Variants in CLCNKB observed in about 807,000 individuals in gnomAD.
CLCNKB encodes the protein chloride channel protein ClC-Kb.
In CLCNKB, 74 loss-of-function variants were observed where a neutral mutation model predicts 83.8. The ratio of observed to expected loss-of-function variants is 0.88; its 90% CI spans 0.73 to 1.07. The LOEUF (loss-of-function observed/expected upper bound fraction) is 1.07, where lower values mean the gene tolerates loss of function less well. Ranked by LOEUF, CLCNKB falls within the 50% of genes least tolerant of loss-of-function variation. The pLI is 0.00. For synonymous variants in CLCNKB, 358 were observed against 356.6 expected (o/e 1.00, Z -0.04); for missense variants, 798 against 893.6 (o/e 0.89, Z 1.36).
Position 16,051,015 on chromosome 1 carries a change from CT to C in CLCNKB, c.1197del (p.Phe399LeufsTer10). The C allele has an allele frequency of 6.2e-7, 1 of 1,614,106 alleles. No individual in the cohort carries two copies. Among genetic ancestry groups the C allele is most frequent in the Non-Finnish European group, 8.5e-7 (1 of 1,180,020 alleles). On this transcript the variant is annotated frameshift_variant, in exon 12 of 20. Transcript: ENST00000375679. LOFTEE classifies it high-confidence loss of function. Reference sequence around the variant, plus strand: ...AATGGTACCACCCGCGGTTCACCATCTTTGGGACCCTTGCCTTCTTCCTGGT... The same window carrying C: ...AATGGTACCACCCGCGGTTCACCATCTTGGGACCCTTGCCTTCTTCCTGGT... Reference protein sequence around the residue: ...WEWYHPRFTIFGTLAFFLVMK... With the variant: ...WEWYHPRFTIXGTLAFFLVMK...
At chr1:16,045,789 G>A (rs1393003717) in intron 3 of CLCNKB, 103 bp downstream of exon 3, 14 of 589,662 alleles carry the variant, frequency 2.4e-5, no homozygotes, top group Middle Eastern at 3.6e-4. Context: ...TGGGGGGGGT[G>A]CTCTGGGTGG....
intron 19 of CLCNKB, 68 bp downstream of exon 19, chr1:16,056,576 G>T: frequency 1.7e-6 from 2 of 1,144,504 alleles, no homozygotes; most frequent in Non-Finnish European, 2.6e-6. Context: ...AGGTGGGGAG[G>T]TGGGGTGGGG....
intron 16 of CLCNKB, 149 bp from the exon 17 acceptor site, chr1:16,055,286 A>T: frequency 1.3e-6 from 1 of 744,924 alleles, no homozygotes; most frequent in Non-Finnish European, 2.4e-6. Context: ...CCTCTGAGCC[A>T]AAGTTTCCTG....
chr1:16,056,699 C>T (rs1557474532), intron 19 of CLCNKB, among the ~76,000 whole-genome samples, 170 bp from the exon 20 acceptor site: 2 of 152,070 alleles, frequency 1.3e-5, no homozygotes, highest in African/African-American at 2.4e-5. Context: ...TGTTTTCTGG[C>T]CAGTGGCCAG....
rs1423401337 is a variant in CLCNKB, at chr1:16,049,296, G to A, written c.781+51G>A. 5.0e-6 allele frequency: 8 copies of A among 1,607,754 alleles called. No individual in the cohort carries two copies. In the South Asian group the frequency reaches 6.6e-5, roughly 13 times the overall value. Reference sequence around the variant, plus strand: ...TGGCCCTGCCTGGGGGCCGGGGCGAGGGGGCCCTCCCTTCTCCCCTGTGTA... The same window carrying A: ...TGGCCCTGCCTGGGGGCCGGGGCGAAGGGGCCCTCCCTTCTCCCCTGTGTA... On this transcript the variant is annotated intron_variant, in intron 8 of 19. Coordinates refer to ENST00000375679, the MANE Select transcript of CLCNKB (RefSeq NM_000085.5).
At chr1:16,046,045 C>T (rs1000239043) in intron 3 of CLCNKB, among the ~76,000 whole-genome samples, 1 of 152,216 alleles carries the variant, frequency 6.6e-6, no homozygotes, top group African/African-American at 2.4e-5. Context: ...CCTCCCCATC[C>T]CACCCCATCC....
rs1394741065 is a variant in CLCNKB, at chr1:16,046,678, G to T, written c.358+15G>T. On this transcript the variant is annotated intron_variant, in intron 4 of 19. Transcript: ENST00000375679. Reference sequence around the variant, plus strand: ...CTCCTCTGGAGGTGAGTCCACAGTCGCTACGCCAGTCCCCACTGGCCAAAA... The same window carrying T: ...CTCCTCTGGAGGTGAGTCCACAGTCTCTACGCCAGTCCCCACTGGCCAAAA... The T allele has an allele frequency of 6.2e-7, 1 of 1,607,022 alleles. No homozygotes were observed. Among genetic ancestry groups the T allele is most frequent in the Non-Finnish European group, 8.5e-7 (1 of 1,177,716 alleles).
intron 13 of CLCNKB, 81 bp downstream of exon 13, chr1:16,051,628 T>A (rs1415835545): frequency 2.5e-6 from 4 of 1,601,798 alleles, no homozygotes; most frequent in Non-Finnish European, 1.7e-6. Context: ...CTCCCCAGGT[T>A]GTACTGAGGA....
chr1:16,047,832 A>T, intron 4 of CLCNKB, 73 bp from the exon 5 acceptor site: 1 of 1,514,168 alleles, frequency 6.6e-7, no homozygotes, highest in African/African-American at 1.4e-5. Context: ...ATGTGAAAAC[A>T]TCACACAGGT....
chr1:16,055,876 C>A (rs1032409448), intron 18 of CLCNKB, 118 bp downstream of exon 18: 15 of 897,260 alleles, frequency 1.7e-5, no homozygotes, highest in Non-Finnish European at 2.0e-5. Flanking sequence ...TATGCTGCTT[C>A]CTGCTCCTCC....
At chr1:16,044,056 G>A (rs1220751349) in intron 1 of CLCNKB, among the ~76,000 whole-genome samples, 176 bp downstream of exon 1, 2 of 152,056 alleles carry the variant, frequency 1.3e-5, no homozygotes, top group South Asian at 2.1e-4. Context: ...CTCATAGGTG[G>A]ACAGGGAGAG....
Position 16,056,926 on chromosome 1 carries a change from G to A in CLCNKB, c.*10G>A, listed in dbSNP as rs745785311. 1.2e-6 allele frequency: 2 copies of A among 1,606,218 alleles called. No homozygotes were observed. The highest frequency in any genetic ancestry group is 1.1e-5 in the South Asian group (1 of 90,886). On this transcript the variant is annotated 3_prime_UTR_variant, in exon 20 of 20. Coordinates refer to ENST00000375679, the MANE Select transcript of CLCNKB (RefSeq NM_000085.5). ...GCCAGCCCCAAAGTGAGCCGGCCCA[G>A]CAAGATGAAACAGGGCACCCCAGCT...
rs1328277698 is a variant in CLCNKB, at chr1:16,054,239, A to G, written c.1756+467A>G. On this transcript the variant is annotated intron_variant, in intron 16 of 19. Transcript: ENST00000375679. ...AACTAGAGCGTCATTTCCTGTGGGTACAAGTCCAGTATCTGCATTTAGAAG... is the reference window on the plus strand; with the variant it reads ...AACTAGAGCGTCATTTCCTGTGGGTGCAAGTCCAGTATCTGCATTTAGAAG... 9.2e-5 allele frequency among the ~76,000 whole-genome samples: 14 copies of G among 152,302 alleles called. No homozygotes were observed. In the East Asian group the frequency reaches 2.7e-3, roughly 29 times the overall value.
chr1:16,051,773 C>T lies in CLCNKB; in HGVS notation c.1361C>T (p.Ala454Val). The T allele has an allele frequency of 6.2e-7, 1 of 1,613,912 alleles. No homozygotes were observed. Among genetic ancestry groups the T allele is most frequent in the East Asian group, 2.2e-5 (1 of 44,884 alleles). ...LSFIFPEGIVAGGITNPIMPG... is the reference protein window; with the variant it reads ...LSFIFPEGIVVGGITNPIMPG... ...TTTATCTTCCCTGAGGGCATCGTGGCTGGAGGGATCACCAATCCCATCATG... is the reference window on the plus strand; with the variant it reads ...TTTATCTTCCCTGAGGGCATCGTGGTTGGAGGGATCACCAATCCCATCATG... Residue 454 changes from alanine to valine, a missense_variant, in exon 14 of 20, where the codon GCT becomes GTT. By Grantham distance (64) the Ala-to-Val change is moderately conservative (BLOSUM62 0). Transcript: ENST00000375679.
At position 16,049,904 on chromosome 1, in the gene CLCNKB, T is replaced by C. The variant is rs772579714; in HGVS notation, c.956T>C (p.Leu319Pro). Residue 319 changes from leucine to proline, a missense_variant, in exon 10 of 20, where the codon CTG (leucine) becomes CCG (proline). By Grantham distance (98) the Leu-to-Pro change is moderately conservative. Transcript: ENST00000375679. ...FIRNNRFSSK[L>P]LATSKPVYSA... The stretch of plus-strand genomic sequence containing the variant: ...AGGAACAATAGGTTCAGCTCCAAAC[T>C]GCTGGCCACCAGGTAGGCTCCGGGC... The C allele has an allele frequency of 4.3e-6, 7 of 1,613,616 alleles. No homozygotes were observed. The highest frequency in any genetic ancestry group is 5.9e-6 in the Non-Finnish European group (7 of 1,179,812).
At position 16,052,378 on chromosome 1, in the gene CLCNKB, C is replaced by T. The variant is rs187999813; in HGVS notation, c.1589C>T (p.Pro530Leu). ...YDGTVIVKKL[P>L]YLPRILGRNI... The stretch of plus-strand genomic sequence containing the variant: ...GGCACCGTCATTGTCAAGAAGCTGC[C>T]ATACCTGCCACGGATTCTGGGCCGC... Residue 530 changes from proline (P) to leucine (L), a missense_variant, in exon 15 of 20, where the codon CCA becomes CTA. Physicochemically the swap from Pro to Leu is moderately conservative, Grantham distance 98. Transcript: ENST00000375679. The T allele has an allele frequency of 8.7e-6, 14 of 1,613,354 alleles. No individual in the cohort carries two copies. The East Asian group carries it at 2.9e-4, about 33-fold the overall frequency.
chr1:16,052,143 CTAACA>C, intron 14 of CLCNKB, 50 bp from the exon 15 acceptor site: 3 of 1,605,906 alleles, frequency 1.9e-6, no homozygotes, highest in Non-Finnish European at 2.6e-6. Context: ...CAGCCTTGCC[CTAACA>C]TGAGGCTGGC....
At position 16,050,696 on chromosome 1, in the gene CLCNKB, G is replaced by A. The variant is rs567844969; in HGVS notation, c.1053+96G>A. The A allele has an allele frequency of 2.7e-6, 4 of 1,494,690 alleles. No homozygotes were observed. The South Asian group carries it at 4.6e-5, about 17-fold the overall frequency. The allele number at this position is 1,494,690 out of a possible 1,614,324, so 92.6% of individuals were successfully genotyped here. ...TTAATCCCCCCAATACCCCATAAGG[G>A]AGATGCCTCAGCATTATTTTATAGA... On this transcript the variant is annotated intron_variant, in intron 11 of 19. Coordinates refer to ENST00000375679, the MANE Select transcript of CLCNKB (RefSeq NM_000085.5).
At chr1:16,048,209 C>T (rs2023161107) in intron 5 of CLCNKB, 134 bp from the exon 6 acceptor site, 27 of 1,449,438 alleles carry the variant, frequency 1.9e-5, no homozygotes, top group Non-Finnish European at 2.4e-5. Context: ...CGGAGTGTGA[C>T]AAAAGCCATC....
Sources: allele counts gnomAD v4.1 joint callset (sites outside exome capture counted in the v4.1 genomes callset), GRCh38; gene constraint gnomAD v4.1.1; transcripts MANE v1.5; gene names NCBI Gene and HGNC (gene_info 2026-07-23, HGNC 2026-07-21).